Variants in ESRRG observed in about 807,000 individuals in gnomAD.
ESRRG encodes the protein estrogen-related receptor gamma.
A neutral mutation model predicts 44.0 loss-of-function variants in ESRRG; 13 were observed. The ratio of observed to expected loss-of-function variants is 0.30; its 90% CI spans 0.19 to 0.47. ESRRG has a LOEUF of 0.47. Ranked by LOEUF, ESRRG falls within the 20% of genes least tolerant of loss-of-function variation. The pLI, the probability that ESRRG is intolerant of heterozygous loss-of-function variation, is 1.00. For missense variants in ESRRG, 395 were observed against 580.6 expected, an observed-to-expected ratio of 0.68 and a Z score of 3.29; for synonymous variants, 215 against 214.6, an observed-to-expected ratio of 1.00 and a Z score of -0.02.
intron 1 of ESRRG, among the ~76,000 whole-genome samples, chr1:216,693,751 A>C (rs1336474121): frequency 6.6e-6 from 1 of 152,220 alleles, no homozygotes; most frequent in Non-Finnish European, 1.5e-5. Flanking sequence ...CAGTTGGTCA[A>C]ATCCACAGAT....
At chr1:216,770,844 C>T (rs937700661) in intron 2 of ESRRG, among the ~76,000 whole-genome samples, 3 of 152,096 alleles carry the variant, frequency 2.0e-5, no homozygotes, top group Admixed American at 1.3e-4. Flanking sequence ...ATCCGTTTAT[C>T]TTTCCATCTA....
At chr1:216,821,687 G>GAAAAAAAAAAAAAAAAAA (rs1251334274) in intron 2 of ESRRG, among the ~76,000 whole-genome samples, 1 of 54,196 alleles carries the variant, frequency 1.8e-5, no homozygotes. Context: ...CCTGCCTCAG[G>GAAAAAAAAAAAAAAAAAA]AAAAATAAAT....
intron 2 of ESRRG, among the ~76,000 whole-genome samples, chr1:216,733,170 C>T (rs1033379732): frequency 6.6e-6 from 1 of 151,942 alleles, no homozygotes; most frequent in Non-Finnish European, 1.5e-5. Flanking sequence ...TACAACATAA[C>T]AGCTTTCAAA....
At chr1:216,818,209 G>C (rs1234891787) in intron 2 of ESRRG, among the ~76,000 whole-genome samples, 1 of 152,122 alleles carries the variant, frequency 6.6e-6, no homozygotes, top group Non-Finnish European at 1.5e-5. Flanking sequence ...ATTATTGATG[G>C]GGGGAAATGA....
intron 2 of ESRRG, among the ~76,000 whole-genome samples, chr1:216,873,494 A>G (rs989422416): frequency 6.6e-6 from 1 of 151,920 alleles, no homozygotes; most frequent in African/African-American, 2.4e-5. Flanking sequence ...GATTACAGGC[A>G]TGAGCCACCG....
At chr1:216,698,934 C>G (rs1370056524) in intron 1 of ESRRG, among the ~76,000 whole-genome samples, 1 of 152,174 alleles carries the variant, frequency 6.6e-6, no homozygotes, top group African/African-American at 2.4e-5. Context: ...CAAATTTTGG[C>G]TGACAGATTA....
intron 1 of ESRRG, among the ~76,000 whole-genome samples, chr1:217,046,032 T>C (rs1047465965): frequency 2.0e-5 from 3 of 151,980 alleles, no homozygotes; most frequent in Non-Finnish European, 4.4e-5. Flanking sequence ...TAAGAGCAAG[T>C]AGGTTGGCAT....
intron 3 of ESRRG, among the ~76,000 whole-genome samples, chr1:216,592,780 G>A (rs1833038): frequency 0.36 from 54,567 of 152,030 alleles, 9,904 homozygotes; most frequent in South Asian, 0.42. Context: ...AATTACAGGC[G>A]TGAGCCACCA....
At chr1:216,624,077 C>G (rs1467713051) in intron 3 of ESRRG, among the ~76,000 whole-genome samples, 1 of 152,118 alleles carries the variant, frequency 6.6e-6, no homozygotes, top group Non-Finnish European at 1.5e-5. Flanking sequence ...CCCACTAACA[C>G]CTAGAAAAAT....
intron 2 of ESRRG, among the ~76,000 whole-genome samples, chr1:216,673,856 T>C (rs1255188767): frequency 6.6e-6 from 1 of 152,172 alleles, no homozygotes; most frequent in Non-Finnish European, 1.5e-5. Context: ...TTCATCTCAA[T>C]CCACAACCTT....
chr1:217,054,212 A>G (rs1468107654), intron 1 of ESRRG, among the ~76,000 whole-genome samples: 1 of 152,056 alleles, frequency 6.6e-6, no homozygotes. Context: ...AAATCTCTCA[A>G]CTTCCCCCTC....
chr1:216,983,051 T>C (rs74141715), intron 1 of ESRRG, among the ~76,000 whole-genome samples: 7,381 of 118,652 alleles, frequency 0.062, 489 homozygotes, highest in African/African-American at 0.21. Context: ...TTTTTTTTTT[T>C]TAACTGTCTA....
chr1:216,800,526 C>T (rs1257401969), intron 2 of ESRRG, among the ~76,000 whole-genome samples: 1 of 152,128 alleles, frequency 6.6e-6, no homozygotes, highest in Non-Finnish European at 1.5e-5. Flanking sequence ...GGCACGAAAG[C>T]ATCCCTTTAA....
chr1:216,585,656 C>G (rs114063956), intron 3 of ESRRG, among the ~76,000 whole-genome samples: 1,777 of 152,172 alleles, frequency 0.012, 37 homozygotes, highest in African/African-American at 0.04. Flanking sequence ...ATGACATATT[C>G]TATTGAATAA....
chr1:216,912,750 A>C (rs1163078275), intron 2 of ESRRG, among the ~76,000 whole-genome samples: 1 of 152,154 alleles, frequency 6.6e-6, no homozygotes, highest in Non-Finnish European at 1.5e-5. Flanking sequence ...CATTATACAC[A>C]CAATTACATA....
chr1:216,797,241 A>G (rs1421171799), intron 2 of ESRRG, among the ~76,000 whole-genome samples: 1 of 152,122 alleles, frequency 6.6e-6, no homozygotes, highest in Non-Finnish European at 1.5e-5. Context: ...CAAATAACAA[A>G]ATAATATTGA....
intron 1 of ESRRG, 80 bp downstream of exon 1, chr1:216,723,164 G>T: frequency 8.5e-7 from 1 of 1,170,880 alleles, no homozygotes; most frequent in African/African-American, 1.5e-5. Context: ...ACCTGAATCA[G>T]TGTGTAAAGA....
intron 1 of ESRRG, among the ~76,000 whole-genome samples, chr1:216,970,364 T>C (rs563638092): frequency 6.6e-6 from 1 of 152,358 alleles, no homozygotes; most frequent in East Asian, 1.9e-4. Context: ...GCATTTTCAA[T>C]TATGTATCAT....
At chr1:217,021,743 G>T (rs917696912) in intron 1 of ESRRG, among the ~76,000 whole-genome samples, 5 of 152,172 alleles carry the variant, frequency 3.3e-5, no homozygotes, top group Non-Finnish European at 5.9e-5. Context: ...CTAAAAAGCT[G>T]CAGCTACAAA....
Sources: allele counts gnomAD v4.1 joint callset (sites outside exome capture counted in the v4.1 genomes callset), GRCh38; gene constraint gnomAD v4.1.1; transcripts MANE v1.5; gene names NCBI Gene and HGNC (gene_info 2026-07-23, HGNC 2026-07-21).